Variants in CD6 observed in about 807,000 individuals in gnomAD.
CD6 encodes T-cell differentiation antigen CD6.
A neutral mutation model predicts 75.3 loss-of-function variants in CD6; 53 were observed. The observed-to-expected ratio is 0.70, with a 90% confidence interval of 0.56 to 0.88. The LOEUF is 0.88. CD6 is among the 40% of genes least tolerant of loss of function. The pLI, the probability that CD6 is intolerant of heterozygous loss-of-function variation, is 0.00. For synonymous variants in CD6, 359 were observed against 381.5 expected, an observed-to-expected ratio of 0.94 and a Z score of 0.69; for missense variants, 770 against 897.1, an observed-to-expected ratio of 0.86 and a Z score of 1.81.
chr11:60,976,018 G>C (rs1857348474), intron 1 of CD6, among the ~76,000 whole-genome samples: 1 of 152,120 alleles, frequency 6.6e-6, no homozygotes, highest in Non-Finnish European at 1.5e-5. Flanking sequence ...TGAATATTAA[G>C]TTATTTTTAA....
Position 61,013,790 on chromosome 11 carries a change from G to A in CD6, c.1292-129G>A, listed in dbSNP as rs141872873. The A allele has an allele frequency of 4.1e-4, 301 of 734,484 alleles. 2 individuals are homozygous for A. The highest frequency in any genetic ancestry group is 1.4e-3 in the East Asian group (51 of 37,362). The allele number at this position is 734,484 out of a possible 1,614,324, so 45.5% of individuals were successfully genotyped here. ...CCTGTGTTTGTGTGTGTGTTTGTGC[G>A]CGCGCACATGTGCCTGCAAGTGTTG... On this transcript the variant is annotated intron_variant, in intron 7 of 12. Transcript: ENST00000313421.
rs764209861 is a variant in CD6, at chr11:61,015,887, G to A, written c.1510+52G>A. Reference sequence around the variant, plus strand: ...GCCCACCTACCTGAATCTGGGAGGGGGCCCCGAGGGGACCGTCAGGTCAGT... The same window carrying A: ...GCCCACCTACCTGAATCTGGGAGGGAGCCCCGAGGGGACCGTCAGGTCAGT... On this transcript the variant is annotated intron_variant, in intron 9 of 12. Coordinates refer to ENST00000313421, the MANE Select transcript of CD6 (RefSeq NM_006725.5). 2.5e-6 allele frequency: 4 copies of A among 1,606,062 alleles called. No homozygotes were observed. In the South Asian group the frequency reaches 3.3e-5, roughly 13 times the overall value.
chr11:60,975,827 T>A (rs1038288187), intron 1 of CD6, among the ~76,000 whole-genome samples: 2 of 152,174 alleles, frequency 1.3e-5, no homozygotes, highest in African/African-American at 4.8e-5. Context: ...GGGAGGGTTG[T>A]CCTGGAATAT....
rs537553587 is a variant in CD6 at position 60,996,774 on chromosome 11, C to T, written c.50-9800C>T. 3.3e-5 allele frequency among the ~76,000 whole-genome samples: 5 copies of T among 152,302 alleles called. No homozygotes were observed. The South Asian group carries it at 6.2e-4, about 19-fold the overall frequency. On this transcript the variant is annotated intron_variant, in intron 1 of 12. Coordinates refer to ENST00000313421, the MANE Select transcript of CD6 (RefSeq NM_006725.5). ...AGCTGGACTATCCGGGAGATCACTG[C>T]GCTGCACTGGGAGCCTGACCTCCCC...
intron 1 of CD6, 126 bp from the exon 2 acceptor site, chr11:61,006,448 C>T (rs1858862029): frequency 4.2e-6 from 3 of 708,156 alleles, no homozygotes; most frequent in Middle Eastern, 3.8e-4. Context: ...TTGAGGACCA[C>T]GTCTTTTCCA....
chr11:60,981,429 C>A (rs1218966556), intron 1 of CD6, among the ~76,000 whole-genome samples: 2 of 152,204 alleles, frequency 1.3e-5, no homozygotes, highest in African/African-American at 4.8e-5. Context: ...TCCGCCCTTC[C>A]CCCAGGGACT....
intron 1 of CD6, among the ~76,000 whole-genome samples, chr11:60,997,388 AAAAAT>A (rs1216133723): frequency 8.0e-5 from 12 of 150,000 alleles, no homozygotes; most frequent in South Asian, 4.2e-4. Flanking sequence ...CAAAAAAAAA[AAAAAT>A]AAAATAAAAT....
At position 61,018,275 on chromosome 11, in the gene CD6, C is replaced by T; in HGVS notation, c.1838-14C>T. 2 of 1,579,752 alleles carry T rather than the reference C, an allele frequency of 1.3e-6. No individual in the cohort carries two copies. Among genetic ancestry groups the T allele is most frequent in the Non-Finnish European group, 1.7e-6 (2 of 1,162,038 alleles). On this transcript the variant is annotated splice_polypyrimidine_tract_variant and intron_variant, in intron 11 of 12. Transcript: ENST00000313421. ...GTGTGCTGGCAGAGGGTGACTGGTTCTGGGGGTTTCCAGCAGGGCCCCCGG... is the reference window on the plus strand; with the variant it reads ...GTGTGCTGGCAGAGGGTGACTGGTTTTGGGGGTTTCCAGCAGGGCCCCCGG...
In CD6 at chr11:60,997,393, T is replaced by A. The variant is rs868778976; in HGVS notation, c.50-9181T>A. ...GACTCCGTCTCAAAAAAAAAAAAAA[T>A]AAAATAAAATAAAATAAAAATAATA... On this transcript the variant is annotated intron_variant, in intron 1 of 12. Coordinates refer to ENST00000313421, the MANE Select transcript of CD6 (RefSeq NM_006725.5). 4.2e-3 allele frequency among the ~76,000 whole-genome samples: 623 copies of A among 146,878 alleles called. 4 individuals carry two copies. Among genetic ancestry groups the A allele is most frequent in the East Asian group, 0.012 (59 of 5,054 alleles).
intron 4 of CD6, among the ~76,000 whole-genome samples, chr11:61,009,094 C>T (rs547606857): frequency 2.6e-5 from 4 of 152,220 alleles, no homozygotes; most frequent in South Asian, 2.1e-4. Context: ...GACCACCTCC[C>T]GGAAGAGGTG....
At chr11:61,003,332 A>G (rs1198485718) in intron 1 of CD6, among the ~76,000 whole-genome samples, 1 of 152,216 alleles carries the variant, frequency 6.6e-6, no homozygotes, top group East Asian at 1.9e-4. Flanking sequence ...CAACACATGA[A>G]CCTTGGAACA....
chr11:61,012,632 G>A (rs1859204845), intron 6 of CD6, among the ~76,000 whole-genome samples: 1 of 152,172 alleles, frequency 6.6e-6, no homozygotes, highest in Admixed American at 6.5e-5. Flanking sequence ...ATCTAGCCCT[G>A]TGGTCTGCTC....
chr11:60,976,335 C>T (rs1857363501), intron 1 of CD6, among the ~76,000 whole-genome samples: 1 of 152,184 alleles, frequency 6.6e-6, no homozygotes, highest in Non-Finnish European at 1.5e-5. Context: ...CTAATGTTTA[C>T]AGATATTGTC....
intron 2 of CD6, among the ~76,000 whole-genome samples, chr11:61,006,919 G>A (rs1252659013): frequency 3.3e-5 from 5 of 152,162 alleles, no homozygotes; most frequent in Admixed American, 2.6e-4. Context: ...AGTTCTTGGT[G>A]GGGGAGGCAG....
At chr11:61,013,244 A>G (rs951205617) in intron 6 of CD6, among the ~76,000 whole-genome samples, 179 bp from the exon 7 acceptor site, 3 of 152,242 alleles carry the variant, frequency 2.0e-5, no homozygotes, top group Admixed American at 1.3e-4. Flanking sequence ...TTCAATATGC[A>G]TTTATTGAGC....
intron 1 of CD6, among the ~76,000 whole-genome samples, chr11:60,973,446 C>T (rs1857263615): frequency 6.6e-6 from 1 of 152,226 alleles, no homozygotes; most frequent in Admixed American, 6.5e-5. Context: ...GGTTTTGAAA[C>T]TGTGTTGATA....
At position 61,009,748 on chromosome 11, in the gene CD6, C is replaced by CA. The variant is rs746022655; in HGVS notation, c.959dup (p.His320GlnfsTer108). On this transcript the variant is annotated frameshift_variant, in exon 5 of 13. Coordinates refer to ENST00000313421, the MANE Select transcript of CD6 (RefSeq NM_006725.5). LOFTEE classifies it high-confidence loss of function. ...GGTTGAGAGGCCCAAGGGGCTGCCC[C>CA]ACTCCTTGTCCGGCAGGATGTACTA... 1 of 1,614,006 alleles carries CA rather than the reference C, an allele frequency of 6.2e-7. No individual in the cohort carries two copies. Among genetic ancestry groups the CA allele is most frequent in the Non-Finnish European group, 8.5e-7 (1 of 1,179,992 alleles).
At chr11:60,985,696 G>A (rs900722918) in intron 1 of CD6, among the ~76,000 whole-genome samples, 2 of 152,188 alleles carry the variant, frequency 1.3e-5, no homozygotes, top group Non-Finnish European at 2.9e-5. Flanking sequence ...AGTGGCTGAT[G>A]CCTGTCATGC....
intron 9 of CD6, among the ~76,000 whole-genome samples, chr11:61,016,148 C>T (rs1429009046): frequency 6.6e-5 from 10 of 152,152 alleles, no homozygotes; most frequent in South Asian, 4.1e-4. Context: ...TGTGTGAGAG[C>T]GGGGGAGTGC....
Sources: gnomAD v4.1 joint callset for allele counts (sites outside exome capture counted in the v4.1 genomes callset) on GRCh38, gnomAD v4.1.1 for gene constraint, MANE v1.5 for transcripts, NCBI Gene and HGNC (gene_info 2026-07-23, HGNC 2026-07-21) for gene names.